GAS2L3: variants seen among roughly 807,000 people sequenced by gnomAD.
GAS2L3 encodes growth arrest specific 2 like 3, also known as GAS2-like protein 3.
GAS2L3 carries 28 observed loss-of-function variants against 37.0 expected under a neutral mutation model. The observed-to-expected ratio is 0.76, with a 90% CI of 0.56 to 1.04. GAS2L3 has a LOEUF of 1.04. GAS2L3 is among the 50% of genes least tolerant of loss of function. The pLI, the probability that GAS2L3 is intolerant of heterozygous loss-of-function variation, is 0.00. For missense variants in GAS2L3, 793 were observed against 817.6 expected, an observed-to-expected ratio of 0.97 and a Z score of 0.37; for synonymous variants, 290 against 296.6, an observed-to-expected ratio of 0.98 and a Z score of 0.23.
chr12:100,589,003 T>C (rs1465901711), intron 1 of GAS2L3, among the ~76,000 whole-genome samples: 2 of 152,170 alleles, frequency 1.3e-5, no homozygotes, highest in Admixed American at 6.5e-5. Context: ...AATCAATTTG[T>C]AGAGTTAACA....
intron 1 of GAS2L3, among the ~76,000 whole-genome samples, chr12:100,582,982 A>T (rs1426376674): frequency 6.6e-6 from 1 of 152,188 alleles, no homozygotes; most frequent in Non-Finnish European, 1.5e-5. Flanking sequence ...GTCTCTTTGC[A>T]GCTGTCCTCA....
chr12:100,603,961 G>A (rs1422146355), intron 5 of GAS2L3, among the ~76,000 whole-genome samples: 1 of 151,726 alleles, frequency 6.6e-6, no homozygotes, highest in Non-Finnish European at 1.5e-5. Context: ...TTTATTTCTG[G>A]GTTTTCTTTT....
At chr12:100,582,650 C>T (rs1194090655) in intron 1 of GAS2L3, among the ~76,000 whole-genome samples, 1 of 152,112 alleles carries the variant, frequency 6.6e-6, no homozygotes, top group Non-Finnish European at 1.5e-5. Flanking sequence ...GCTACATGTT[C>T]AAAAATAAAG....
At chr12:100,579,331 G>A (rs1052062395) in intron 1 of GAS2L3, 19 of 669,062 alleles carry the variant, frequency 2.8e-5, no homozygotes, top group Admixed American at 1.4e-4. Context: ...TACTACGAGC[G>A]GCACTGATTA....
At chr12:100,575,886 T>C (rs1267764185) in intron 1 of GAS2L3, among the ~76,000 whole-genome samples, 2 of 152,194 alleles carry the variant, frequency 1.3e-5, no homozygotes, top group Non-Finnish European at 2.9e-5. Context: ...CACACCTTTA[T>C]ATTCCTAACA....
intron 2 of GAS2L3, among the ~76,000 whole-genome samples, chr12:100,593,384 A>T (rs1198475007): frequency 6.6e-6 from 1 of 152,142 alleles, no homozygotes; most frequent in Non-Finnish European, 1.5e-5. Flanking sequence ...TGATTTTAAA[A>T]ATGTATGTGA....
chr12:100,587,286 A>G lies in GAS2L3; in HGVS notation c.-151-4450A>G, dbSNP rs573083659. On this transcript the variant is annotated intron_variant, in intron 1 of 9. Coordinates refer to ENST00000547754, the MANE Select transcript of GAS2L3 (RefSeq NM_174942.3). The stretch of plus-strand genomic sequence containing the variant: ...AAGGACATAACCAAAAAAGAAAACT[A>G]CAGACCAATATCCTTGATGAACATA... Among the ~76,000 whole-genome samples the G allele has an allele frequency of 4.6e-5, 7 of 152,336 alleles. No homozygotes were observed. In the East Asian group the frequency reaches 9.6e-4, roughly 21 times the overall value.
chr12:100,586,651 C>G (rs1299179876), intron 1 of GAS2L3, among the ~76,000 whole-genome samples: 1 of 152,116 alleles, frequency 6.6e-6, no homozygotes, highest in Non-Finnish European at 1.5e-5. Context: ...AACTAATACT[C>G]TTAAGGTCAC....
intron 6 of GAS2L3, among the ~76,000 whole-genome samples, chr12:100,617,089 T>A (rs1009675672): frequency 2.6e-5 from 4 of 152,156 alleles, no homozygotes; most frequent in Admixed American, 1.3e-4. Flanking sequence ...ATTGGGTTTT[T>A]TTCCTTTATT....
chr12:100,596,052 T>G (rs1478235238), intron 3 of GAS2L3, among the ~76,000 whole-genome samples: 1 of 151,974 alleles, frequency 6.6e-6, no homozygotes, highest in Non-Finnish European at 1.5e-5. Flanking sequence ...GTGACCCTGT[T>G]GTCCACCTTC....
chr12:100,612,666 A>G (rs996344038), intron 6 of GAS2L3: 2 of 161,406 alleles, frequency 1.2e-5, no homozygotes, highest in African/African-American at 4.8e-5. Flanking sequence ...CAACAGAAGC[A>G]TCTGTGCAGT....
At chr12:100,603,999 A>G (rs1308867868) in intron 5 of GAS2L3, among the ~76,000 whole-genome samples, 1 of 151,670 alleles carries the variant, frequency 6.6e-6, no homozygotes. Flanking sequence ...GTCTCTTTTT[A>G]TGCCAGTACC....
intron 6 of GAS2L3, among the ~76,000 whole-genome samples, chr12:100,614,179 T>C (rs952911692): frequency 3.9e-5 from 6 of 152,096 alleles, no homozygotes; most frequent in African/African-American, 1.4e-4. Flanking sequence ...ATTTACTATC[T>C]TAGGCTGGGC....
At chr12:100,610,321 T>C (rs765350166) in intron 5 of GAS2L3, among the ~76,000 whole-genome samples, 5 of 152,224 alleles carry the variant, frequency 3.3e-5, no homozygotes, top group Non-Finnish European at 5.9e-5. Flanking sequence ...TTTTTAAATA[T>C]GTTATTTTGA....
At chr12:100,595,470 A>C (rs1331289735) in intron 3 of GAS2L3, among the ~76,000 whole-genome samples, 1 of 150,142 alleles carries the variant, frequency 6.7e-6, no homozygotes, top group Non-Finnish European at 1.5e-5. Context: ...GAATAGCCTT[A>C]TATCTGAATG....
chr12:100,594,295 A>G (rs1383851444), intron 2 of GAS2L3, among the ~76,000 whole-genome samples: 1 of 151,996 alleles, frequency 6.6e-6, no homozygotes, highest in East Asian at 1.9e-4. Flanking sequence ...CAAGAATACT[A>G]CTTTGGAGCT....
At chr12:100,582,813 G>C (rs1382472529) in intron 1 of GAS2L3, among the ~76,000 whole-genome samples, 1 of 152,198 alleles carries the variant, frequency 6.6e-6, no homozygotes, top group Non-Finnish European at 1.5e-5. Context: ...GGTGCTGACA[G>C]GGTTGTGCTG....
chr12:100,614,420 G>A lies in GAS2L3; in HGVS notation c.445+2279G>A, dbSNP rs1956162496. ...AGAGGTTGCAGTGAGCCAGGATCACGTCGCTACACTCCAGACTGGGTGAAA... is the reference window on the plus strand; with the variant it reads ...AGAGGTTGCAGTGAGCCAGGATCACATCGCTACACTCCAGACTGGGTGAAA... On this transcript the variant is annotated intron_variant, in intron 6 of 9. Transcript: ENST00000547754. Among the ~76,000 whole-genome samples the A allele has an allele frequency of 2.0e-5, 3 of 151,714 alleles. No homozygotes were observed. In the South Asian group the frequency reaches 6.2e-4, roughly 32 times the overall value.
intron 8 of GAS2L3, among the ~76,000 whole-genome samples, chr12:100,620,202 C>T (rs894534262): frequency 1.4e-4 from 21 of 151,852 alleles, no homozygotes; most frequent in South Asian, 6.2e-4. Flanking sequence ...AATAGGGCAA[C>T]GGTTTGGCAA....
Sources: gnomAD v4.1 joint callset for allele counts (sites outside exome capture counted in the v4.1 genomes callset) on GRCh38, gnomAD v4.1.1 for gene constraint, MANE v1.5 for transcripts, NCBI Gene and HGNC (gene_info 2026-07-23, HGNC 2026-07-21) for gene names.